The following NLGN1 variants were observed in gnomAD, a reference collection of about 807,000 sequenced individuals.
NLGN1 encodes neuroligin-1.
Under a neutral mutation model 65.5 loss-of-function variants are expected in NLGN1, and 12 were observed. That is an observed-to-expected ratio of 0.18 (90% CI 0.12 to 0.30). NLGN1 has a LOEUF of 0.30. NLGN1 is among the 10% of genes least tolerant of loss of function. The pLI is 1.00. For synonymous variants in NLGN1, 350 were observed against 359.5 expected, an observed-to-expected ratio of 0.97 and a Z score of 0.30; for missense variants, 750 against 1,007.1, an observed-to-expected ratio of 0.74 and a Z score of 3.46.
chr3:174,166,193 T>A lies in NLGN1; in HGVS notation c.647-109122T>A, dbSNP rs569856466. On this transcript the variant is annotated intron_variant, in intron 4 of 6. Coordinates refer to ENST00000457714, the Ensembl canonical transcript of NLGN1. The stretch of plus-strand genomic sequence containing the variant: ...GCAGATTTTGAGGTCTCAATTTCAT[T>A]ATGTTACATTCTGATTTTAGTTATT... Among the ~76,000 whole-genome samples the A allele has an allele frequency of 2.6e-5, 4 of 152,232 alleles. No homozygotes were observed. In the South Asian group the frequency reaches 8.3e-4, roughly 32 times the overall value.
chr3:173,968,102 T>C (rs1345136898), intron 4 of NLGN1, among the ~76,000 whole-genome samples: 1 of 152,152 alleles, frequency 6.6e-6, no homozygotes, highest in Non-Finnish European at 1.5e-5. Context: ...CTTTTCTAAA[T>C]TATAATAAAG....
intron 4 of NLGN1, among the ~76,000 whole-genome samples, chr3:174,221,433 A>C (rs1738630956): frequency 6.6e-6 from 1 of 152,126 alleles, no homozygotes; most frequent in African/African-American, 2.4e-5. Flanking sequence ...AGTTAGAGGC[A>C]TCTGGAGACA....
intron 4 of NLGN1, among the ~76,000 whole-genome samples, chr3:174,071,875 A>G (rs577112965): frequency 6.6e-6 from 1 of 152,298 alleles, no homozygotes; most frequent in East Asian, 1.9e-4. Context: ...AAGAATATAG[A>G]GACAATGGTT....
At chr3:173,501,411 C>T (rs1281191670) in intron 2 of NLGN1, among the ~76,000 whole-genome samples, 8 of 152,030 alleles carry the variant, frequency 5.3e-5, no homozygotes, top group Admixed American at 4.6e-4. Context: ...TCACAGCATC[C>T]AGTAATAATT....
intron 3 of NLGN1, among the ~76,000 whole-genome samples, chr3:173,723,840 T>C (rs1379336951): frequency 2.0e-5 from 3 of 152,170 alleles, no homozygotes; most frequent in African/African-American, 4.8e-5. Flanking sequence ...GGAGATTTAT[T>C]TGATTAATGA....
intron 4 of NLGN1, among the ~76,000 whole-genome samples, chr3:174,170,923 A>C (rs893885333): frequency 4.6e-5 from 7 of 152,192 alleles, no homozygotes; most frequent in African/African-American, 1.4e-4. Flanking sequence ...TTATCGCTGA[A>C]CTTGAATGTA....
chr3:173,834,159 A>C (rs567755138), intron 4 of NLGN1, among the ~76,000 whole-genome samples: 1 of 152,286 alleles, frequency 6.6e-6, no homozygotes, highest in African/African-American at 2.4e-5. Context: ...TTAACTTTTC[A>C]TATTACACAT....
Position 173,636,107 on chromosome 3 carries a change from A to G in NLGN1, c.493+31016A>G, listed in dbSNP as rs533883669. Among the ~76,000 whole-genome samples the G allele has an allele frequency of 3.3e-5, 5 of 152,270 alleles. No homozygotes were observed. The East Asian group carries it at 5.8e-4, about 18-fold the overall frequency. On this transcript the variant is annotated intron_variant, in intron 3 of 6. Transcript: ENST00000457714. ...TTTTACAGTTCTATGAAAAGTAAGA[A>G]AAGAACTTAACGATGGTATTTATCA...
chr3:173,460,103 G>A (rs991586873), intron 2 of NLGN1, among the ~76,000 whole-genome samples: 4 of 151,788 alleles, frequency 2.6e-5, no homozygotes, highest in Admixed American at 2.6e-4. Flanking sequence ...ACTAATGTAG[G>A]CCTGGTACTG....
intron 3 of NLGN1, among the ~76,000 whole-genome samples, chr3:173,740,826 T>G (rs1375326181): frequency 6.6e-6 from 1 of 152,000 alleles, no homozygotes; most frequent in Non-Finnish European, 1.5e-5. Context: ...TCTCGAAAAC[T>G]AGAAAAGCCA....
rs576757441 is a variant in NLGN1, at chr3:173,797,132, C to T, written c.494-10548C>T. Among the ~76,000 whole-genome samples the T allele has an allele frequency of 2.8e-3, 424 of 152,154 alleles. 7 individuals are homozygous for T. The highest frequency in any genetic ancestry group is 9.4e-3 in the African/African-American group (392 of 41,546). On this transcript the variant is annotated intron_variant, in intron 3 of 6. Transcript: ENST00000457714. ...GGGATCTGCTGCGGTAATCCAGAAG[C>T]ATATGTTTACTCCACTGAGGCTTCC...
chr3:173,451,625 C>T (rs144211823), intron 2 of NLGN1, among the ~76,000 whole-genome samples: 4,233 of 152,190 alleles, frequency 0.028, 208 homozygotes, highest in African/African-American at 0.094. Context: ...AGGTTATTGC[C>T]GTCTTTTGTT....
intron 4 of NLGN1, among the ~76,000 whole-genome samples, chr3:173,937,407 A>C (rs1409853710): frequency 1.3e-5 from 2 of 152,122 alleles, no homozygotes; most frequent in African/African-American, 4.8e-5. Context: ...TATGAACTTC[A>C]CTAGTGGCTC....
chr3:173,739,213 G>A (rs961258438), intron 3 of NLGN1, among the ~76,000 whole-genome samples: 3 of 152,000 alleles, frequency 2.0e-5, no homozygotes, highest in Non-Finnish European at 4.4e-5. Context: ...CAAATATTCC[G>A]CTCGAATAAA....
At chr3:173,579,170 T>A (rs1344119563) in intron 2 of NLGN1, among the ~76,000 whole-genome samples, 5 of 152,210 alleles carry the variant, frequency 3.3e-5, no homozygotes, top group Admixed American at 3.3e-4. Context: ...ATTTCAAAAG[T>A]GGCAGTCTCA....
chr3:173,920,788 C>G (rs979779094), intron 4 of NLGN1: 1 of 151,836 alleles, frequency 6.6e-6, no homozygotes, highest in Non-Finnish European at 1.5e-5. Flanking sequence ...CTTTTCAGTT[C>G]TTAGCTTGTT....
chr3:173,792,757 AAGACTTTT>A (rs1713097074), intron 3 of NLGN1, among the ~76,000 whole-genome samples: 1 of 152,178 alleles, frequency 6.6e-6, no homozygotes, highest in Non-Finnish European at 1.5e-5. Context: ...GGAAATAGTA[AAGACTTTT>A]AAGGAGAGTA....
chr3:173,434,563 G>A (rs1201257830), intron 1 of NLGN1, among the ~76,000 whole-genome samples: 1 of 152,166 alleles, frequency 6.6e-6, no homozygotes, highest in Non-Finnish European at 1.5e-5. Flanking sequence ...AGGACATCAT[G>A]TAGTTGGAGA....
At position 173,749,859 on chromosome 3, in the gene NLGN1, A is replaced by G. The variant is rs576059236; in HGVS notation, c.494-57821A>G. 6.6e-5 allele frequency among the ~76,000 whole-genome samples: 10 copies of G among 152,202 alleles called. No homozygotes were observed. The South Asian group carries it at 2.1e-3, about 32-fold the overall frequency. On this transcript the variant is annotated intron_variant, in intron 3 of 6. Coordinates refer to ENST00000457714, the Ensembl canonical transcript of NLGN1. Reference sequence around the variant, plus strand: ...GAATAACTCCCTTTGTAACAGGGTGACTATATTACATTCCAGTCTTCCTAA... The same window carrying G: ...GAATAACTCCCTTTGTAACAGGGTGGCTATATTACATTCCAGTCTTCCTAA...
Sources: allele counts gnomAD v4.1 joint callset (sites outside exome capture counted in the v4.1 genomes callset), GRCh38; gene constraint gnomAD v4.1.1; transcripts MANE v1.5; gene names NCBI Gene and HGNC (gene_info 2026-07-23, HGNC 2026-07-21).